CNGB3: variants seen among roughly 807,000 people sequenced by gnomAD.
CNGB3 encodes the protein cyclic nucleotide gated channel subunit beta 3.
CNGB3 carries 86 observed loss-of-function variants against 92.8 expected under a neutral mutation model. The observed-to-expected ratio is 0.93, with a 90% CI of 0.78 to 1.11. CNGB3 has a LOEUF of 1.11. CNGB3 is among the 50% of genes least tolerant of loss of function. The pLI, the probability that CNGB3 is intolerant of heterozygous loss-of-function variation, is 0.00. For missense variants in CNGB3, 1,026 were observed against 956.8 expected (o/e 1.07, Z -0.95); for synonymous variants, 333 against 332.7 (o/e 1.00, Z -0.01).
At chr8:86,729,058 G>A (rs528808156) in intron 2 of CNGB3, among the ~76,000 whole-genome samples, 131 of 152,172 alleles carry the variant, frequency 8.6e-4, no homozygotes, top group South Asian at 8.1e-3. Context: ...CTACAGGCAT[G>A]AGCCACCACA....
At chr8:86,670,914 T>C in intron 4 of CNGB3, 30 bp downstream of exon 4, 3 of 1,611,662 alleles carry the variant, frequency 1.9e-6, no homozygotes, top group African/African-American at 2.7e-5. Context: ...CACTTCTTTC[T>C]TCCCAGTACT....
intron 3 of CNGB3, among the ~76,000 whole-genome samples, chr8:86,690,896 G>C (rs1158828463): frequency 1.2e-4 from 18 of 152,174 alleles, no homozygotes; most frequent in South Asian, 6.2e-4. Context: ...TCTGAGGGCT[G>C]TGTTCTGTTC....
At chr8:86,741,107 A>G (rs1404601358) in intron 1 of CNGB3, among the ~76,000 whole-genome samples, 1 of 152,170 alleles carries the variant, frequency 6.6e-6, no homozygotes. Flanking sequence ...AGCTCTTTAA[A>G]TGACTCTTTA....
intron 15 of CNGB3, among the ~76,000 whole-genome samples, chr8:86,596,057 G>A (rs1463586687): frequency 6.6e-6 from 1 of 152,174 alleles, no homozygotes; most frequent in African/African-American, 2.4e-5. Context: ...ATGAAAAAAG[G>A]ATGGTGAACA....
At chr8:86,619,537 T>C (rs1822685396) in intron 13 of CNGB3, among the ~76,000 whole-genome samples, 1 of 152,102 alleles carries the variant, frequency 6.6e-6, no homozygotes, top group Admixed American at 6.6e-5. Context: ...CCACAATTTA[T>C]TGAAGCAAAG....
At chr8:86,659,150 G>T (rs367820121) in intron 6 of CNGB3, 2 of 713,012 alleles carry the variant, frequency 2.8e-6, no homozygotes, top group African/African-American at 1.7e-5. Context: ...GAGTCATGCT[G>T]TGCTCCTTCT....
At chr8:86,716,237 A>G (rs1369856139) in intron 3 of CNGB3, among the ~76,000 whole-genome samples, 3 of 152,176 alleles carry the variant, frequency 2.0e-5, no homozygotes, top group Admixed American at 6.5e-5. Flanking sequence ...TTAAGCATCC[A>G]AACCAAAGAA....
intron 13 of CNGB3, among the ~76,000 whole-genome samples, chr8:86,624,188 G>T (rs1400675287): frequency 2.6e-5 from 4 of 152,284 alleles, no homozygotes; most frequent in Middle Eastern, 3.4e-3. Flanking sequence ...GGAGGCTGAG[G>T]GGGGCAGATC....
chr8:86,708,465 G>A (rs577078887), intron 3 of CNGB3, among the ~76,000 whole-genome samples: 2 of 152,150 alleles, frequency 1.3e-5, no homozygotes, highest in South Asian at 2.1e-4. Context: ...AGAAGCAATA[G>A]TTACCAGAGT....
chr8:86,641,924 A>G (rs1823196046), intron 10 of CNGB3, among the ~76,000 whole-genome samples: 1 of 151,910 alleles, frequency 6.6e-6, no homozygotes, highest in Non-Finnish European at 1.5e-5. Flanking sequence ...GCTATGATGT[A>G]GCTGGAATTA....
At chr8:86,661,022 G>C (rs1326473671) in intron 6 of CNGB3, among the ~76,000 whole-genome samples, 1 of 152,088 alleles carries the variant, frequency 6.6e-6, no homozygotes, top group African/African-American at 2.4e-5. Flanking sequence ...CCTCCCTAAA[G>C]TTCTACTTTC....
At chr8:86,695,531 T>C (rs1824433729) in intron 3 of CNGB3, among the ~76,000 whole-genome samples, 3 of 152,158 alleles carry the variant, frequency 2.0e-5, no homozygotes. Context: ...TTCTTTACGA[T>C]ATCTATCTTT....
intron 2 of CNGB3, among the ~76,000 whole-genome samples, chr8:86,738,766 G>A (rs969328872): frequency 2.5e-4 from 38 of 151,882 alleles, no homozygotes; most frequent in African/African-American, 8.7e-4. Context: ...GCCTGAACCC[G>A]GGAGGTGGAG....
chr8:86,720,944 G>A lies in CNGB3; in HGVS notation c.338+5587C>T, dbSNP rs115701652. On this transcript the variant is annotated intron_variant, in intron 3 of 17. Coordinates refer to ENST00000320005, the MANE Select transcript of CNGB3 (RefSeq NM_019098.5). The stretch of plus-strand genomic sequence containing the variant: ...TAATGGCATTTTCAGCAGCTTGGAT[G>A]GAATTGGAGAGTGTAATAATAATAA... Among the ~76,000 whole-genome samples the A allele has an allele frequency of 8.7e-3, 1,306 of 150,916 alleles. 24 individuals carry two copies. Among genetic ancestry groups the A allele is most frequent in the African/African-American group, 0.03 (1,247 of 41,068 alleles).
chr8:86,657,886 G>A (rs1284608983), intron 6 of CNGB3: 1 of 543,162 alleles, frequency 1.8e-6, no homozygotes, highest in Non-Finnish European at 3.7e-6. Flanking sequence ...GGAGGACAGG[G>A]TTCAGACGCT....
At chr8:86,587,122 G>A (rs1389060139) in intron 15 of CNGB3, among the ~76,000 whole-genome samples, 2 of 146,908 alleles carry the variant, frequency 1.4e-5, no homozygotes, top group Non-Finnish European at 3.0e-5. Flanking sequence ...TTTTTTGGCT[G>A]CATAAATGTC....
At chr8:86,631,593 T>C (rs1294142516) in intron 11 of CNGB3, among the ~76,000 whole-genome samples, 1 of 152,220 alleles carries the variant, frequency 6.6e-6, no homozygotes, top group Non-Finnish European at 1.5e-5. Flanking sequence ...TTTTGCTATT[T>C]ATATTCAAAT....
At chr8:86,639,573 A>T (rs1414850117) in intron 10 of CNGB3, among the ~76,000 whole-genome samples, 1 of 152,064 alleles carries the variant, frequency 6.6e-6, no homozygotes, top group Non-Finnish European at 1.5e-5. Flanking sequence ...CTAATGAGCA[A>T]CCTTCAATTT....
intron 3 of CNGB3, among the ~76,000 whole-genome samples, chr8:86,714,133 A>C (rs1824802834): frequency 6.6e-6 from 1 of 152,122 alleles, no homozygotes; most frequent in Admixed American, 6.6e-5. Context: ...TATCACACTG[A>C]GTTGTTTCAC....
Sources: allele counts gnomAD v4.1 joint callset (sites outside exome capture counted in the v4.1 genomes callset), GRCh38; gene constraint gnomAD v4.1.1; transcripts MANE v1.5; gene names NCBI Gene and HGNC (gene_info 2026-07-23, HGNC 2026-07-21).